Variants in UTRN observed in about 807,000 individuals in gnomAD.
The protein encoded by UTRN is utrophin.
In UTRN, 283 loss-of-function variants were observed where a neutral mutation model predicts 463.9. The ratio of observed to expected loss-of-function variants is 0.61; its 90% CI spans 0.55 to 0.67. The LOEUF is 0.67. UTRN is among the 30% of genes least tolerant of loss of function. UTRN has a pLI of 0.00. For missense variants in UTRN, 3,922 were observed against 4,084.3 expected (o/e 0.96, Z 1.08); for synonymous variants, 1,442 against 1,431.5 (o/e 1.01, Z -0.17).
intron 69 of UTRN, among the ~76,000 whole-genome samples, chr6:144,831,673 T>C (rs1414545811): frequency 1.3e-5 from 2 of 152,018 alleles, no homozygotes; most frequent in Non-Finnish European, 2.9e-5. Context: ...GAAGGAAAAA[T>C]TGAGCAGTGA....
At chr6:144,422,110 A>T (rs1784881907) in intron 4 of UTRN, 140 bp downstream of exon 4, 2 of 666,822 alleles carry the variant, frequency 3.0e-6, no homozygotes, top group South Asian at 4.8e-5. Flanking sequence ...AACATTTTTA[A>T]CAAAGCATTT....
chr6:144,451,060 C>G (rs778728356), intron 17 of UTRN, among the ~76,000 whole-genome samples: 1 of 152,014 alleles, frequency 6.6e-6, no homozygotes, highest in African/African-American at 2.4e-5. Context: ...TGCAGTGAGC[C>G]GAGATCGTGC....
intron 55 of UTRN, among the ~76,000 whole-genome samples, 165 bp downstream of exon 55, chr6:144,748,679 C>T (rs999948997): frequency 1.2e-4 from 18 of 152,226 alleles, no homozygotes; most frequent in African/African-American, 4.3e-4. Flanking sequence ...CCATATGACC[C>T]TCATTGGGGT....
intron 60 of UTRN, among the ~76,000 whole-genome samples, chr6:144,775,066 A>G (rs940989732): frequency 6.6e-6 from 1 of 152,202 alleles, no homozygotes; most frequent in Non-Finnish European, 1.5e-5. Flanking sequence ...GTGGAAAGTG[A>G]TATTTACCTG....
chr6:144,524,560 A>G lies in UTRN; in HGVS notation c.5906+1372A>G, dbSNP rs565035701. Among the ~76,000 whole-genome samples, 47 of 152,110 alleles carry G rather than the reference A, an allele frequency of 3.1e-4. 1 individual carries two copies. The South Asian group carries it at 9.8e-3, about 32-fold the overall frequency. The stretch of plus-strand genomic sequence containing the variant: ...ATTTTGTATCCTGAAACTTTGCTGA[A>G]TTTATTTACCAGTTCTAGGAGCTTT... On this transcript the variant is annotated intron_variant, in intron 41 of 74. Transcript: ENST00000367545.
Position 144,538,193 on chromosome 6 carries a change from A to G in UTRN, c.6369+476A>G, listed in dbSNP as rs1356169269. Among the ~76,000 whole-genome samples, 5 of 152,164 alleles carry G rather than the reference A, an allele frequency of 3.3e-5. No homozygotes were observed. The East Asian group carries it at 9.6e-4, about 29-fold the overall frequency. Reference sequence around the variant, plus strand: ...ATCAGATTTTCTTTGTTGGTTTGCAACTAACAAGTATTGTTTATAGTTGTA... The same window carrying G: ...ATCAGATTTTCTTTGTTGGTTTGCAGCTAACAAGTATTGTTTATAGTTGTA... On this transcript the variant is annotated intron_variant, in intron 44 of 74. Transcript: ENST00000367545.
intron 52 of UTRN, among the ~76,000 whole-genome samples, chr6:144,694,513 T>C (rs942560531): frequency 2.0e-5 from 3 of 152,290 alleles, no homozygotes; most frequent in Non-Finnish European, 4.4e-5. Flanking sequence ...TGAATCCATC[T>C]GGTCCTGGGC....
chr6:144,822,471 C>A (rs1457031370), intron 66 of UTRN, among the ~76,000 whole-genome samples: 1 of 152,098 alleles, frequency 6.6e-6, no homozygotes, highest in Non-Finnish European at 1.5e-5. Flanking sequence ...TGATATCAAA[C>A]TGTGTACACT....
intron 54 of UTRN, among the ~76,000 whole-genome samples, chr6:144,739,664 T>C (rs965933339): frequency 7.9e-5 from 12 of 152,198 alleles, no homozygotes; most frequent in Non-Finnish European, 1.6e-4. Flanking sequence ...GGGACTGGAA[T>C]ACCACCCAGA....
intron 4 of UTRN, among the ~76,000 whole-genome samples, chr6:144,423,289 T>G (rs1785008008): frequency 6.6e-6 from 1 of 152,150 alleles, no homozygotes; most frequent in Non-Finnish European, 1.5e-5. Flanking sequence ...ACAGAGGTAT[T>G]GGTGTTTTTA....
chr6:144,646,347 C>T (rs1013763060), intron 51 of UTRN, among the ~76,000 whole-genome samples: 1 of 152,068 alleles, frequency 6.6e-6, no homozygotes, highest in African/African-American at 2.4e-5. Flanking sequence ...TGTTAAGTTC[C>T]TTTCTTTGCA....
At chr6:144,662,222 C>A (rs141503318) in intron 51 of UTRN, among the ~76,000 whole-genome samples, 5 of 152,060 alleles carry the variant, frequency 3.3e-5, no homozygotes, top group Non-Finnish European at 5.9e-5. Flanking sequence ...AAATCCTTTG[C>A]GTATTCTTAC....
intron 50 of UTRN, among the ~76,000 whole-genome samples, chr6:144,562,598 C>G (rs181453975): frequency 7.9e-5 from 12 of 152,234 alleles, no homozygotes; most frequent in Non-Finnish European, 1.8e-4. Flanking sequence ...TTTATCCAGT[C>G]CATCATTGAT....
chr6:144,512,888 T>C (rs1795298171), intron 35 of UTRN, among the ~76,000 whole-genome samples: 1 of 152,226 alleles, frequency 6.6e-6, no homozygotes, highest in African/African-American at 2.4e-5. Context: ...TAATGATTTC[T>C]TTCTTTGTAA....
At chr6:144,343,320 T>G (rs1230838084) in intron 2 of UTRN, among the ~76,000 whole-genome samples, 1 of 149,786 alleles carries the variant, frequency 6.7e-6, no homozygotes, top group Non-Finnish European at 1.5e-5. Flanking sequence ...CAGCAGGAGT[T>G]CGAGACCAGC....
intron 69 of UTRN, 112 bp downstream of exon 69, chr6:144,828,967 T>A (rs1464474813): frequency 3.2e-6 from 4 of 1,256,558 alleles, no homozygotes; most frequent in Non-Finnish European, 4.5e-6. Flanking sequence ...TCAAAATTAT[T>A]AAGTGTGGTT....
At chr6:144,819,191 A>C (rs900781408) in intron 65 of UTRN, among the ~76,000 whole-genome samples, 1 of 152,136 alleles carries the variant, frequency 6.6e-6, no homozygotes, top group Non-Finnish European at 1.5e-5. Context: ...GTCAGTGTAA[A>C]AACTGATGAA....
chr6:144,551,192 A>G, intron 48 of UTRN, 110 bp downstream of exon 48: 1 of 670,690 alleles, frequency 1.5e-6, no homozygotes, highest in Middle Eastern at 4.3e-4. Context: ...AAGATTATTC[A>G]ACTAGAAAGT....
At chr6:144,768,941 G>GTT (rs1204880630) in intron 58 of UTRN, among the ~76,000 whole-genome samples, 13 of 96,896 alleles carry the variant, frequency 1.3e-4, no homozygotes, top group African/African-American at 6.3e-4. Context: ...TTGCTACTTT[G>GTT]TTTTTTGTTT....
Sources: gnomAD v4.1 joint callset for allele counts (sites outside exome capture counted in the v4.1 genomes callset) on GRCh38, gnomAD v4.1.1 for gene constraint, MANE v1.5 for transcripts, NCBI Gene and HGNC (gene_info 2026-07-23, HGNC 2026-07-21) for gene names.